Variants in MSANTD5 observed in about 807,000 individuals in gnomAD.
MSANTD5 encodes the protein Myb/SANT DNA binding domain containing 5, also known as uncharacterized protein MSANTD5.
At chr5:178,705,059 T>C in the MSANTD5 span, among the ~76,000 whole-genome samples, 1 of 151,890 alleles carries the variant, frequency 6.6e-6, no homozygotes, top group Non-Finnish European at 1.5e-5. Flanking sequence ...TTTTCTTTTT[T>C]TTTTTTTGAG....
At chr5:178,697,390 G>C (rs4990295) in intron 1 of MSANTD5, among the ~76,000 whole-genome samples, 196 bp downstream of exon 1, 38,130 of 151,596 alleles carry the variant, frequency 0.25, 5,896 homozygotes, top group African/African-American at 0.43. Flanking sequence ...GGAGGCGGAG[G>C]TTGCAGTGAG....
At chr5:178,704,643 A>C in the MSANTD5 span, among the ~76,000 whole-genome samples, 1 of 152,248 alleles carries the variant, frequency 6.6e-6, no homozygotes, top group African/African-American at 2.4e-5. Context: ...AGTTGTCAAC[A>C]GAAGAGATTT....
chr5:178,695,628 T>A (rs1765404331), intron 2 of MSANTD5, 30 bp from the exon 3 acceptor site: 1 of 152,194 alleles, frequency 6.6e-6, no homozygotes, highest in Non-Finnish European at 1.5e-5. Flanking sequence ...TGGATGTACT[T>A]GGCATAACTC....
exon 3 of MSANTD5, chr5:178,695,583 G>C (rs1205868624): frequency 6.6e-6 from 1 of 152,086 alleles, no homozygotes; most frequent in African/African-American, 2.4e-5. Flanking sequence ...GTCACTCCAA[G>C]GTTTAACTGA....
At chr5:178,704,570 T>C in the MSANTD5 span, among the ~76,000 whole-genome samples, 584 of 152,310 alleles carry the variant, frequency 3.8e-3, 8 homozygotes, top group South Asian at 0.052. Flanking sequence ...AATTACACTG[T>C]AGTAGCCCAA....
At chr5:178,693,794 G>A (rs1765381380), downstream of MSANTD5, among the ~76,000 whole-genome samples, 1 of 151,836 alleles carries the variant, frequency 6.6e-6, no homozygotes, top group Non-Finnish European at 1.5e-5. Flanking sequence ...GACACAGAGT[G>A]CTGATTGGTG....
At chr5:178,704,675 G>A in the MSANTD5 span, among the ~76,000 whole-genome samples, 308 of 152,316 alleles carry the variant, frequency 2.0e-3, 1 homozygote, top group African/African-American at 7.1e-3. Context: ...CAGAAATTGC[G>A]GATGTCTACA....
At chr5:178,706,486 C>T in the MSANTD5 span, among the ~76,000 whole-genome samples, 32 of 151,922 alleles carry the variant, frequency 2.1e-4, no homozygotes, top group African/African-American at 5.8e-4. Flanking sequence ...TGTCAGTACT[C>T]GTGTGTCCAA....
upstream of MSANTD5, among the ~76,000 whole-genome samples, chr5:178,699,737 C>A (rs1402554394): frequency 1.3e-5 from 2 of 152,180 alleles, no homozygotes; most frequent in Non-Finnish European, 2.9e-5. Flanking sequence ...AAATAAGTAC[C>A]ATTAACTGAC....
downstream of MSANTD5, among the ~76,000 whole-genome samples, chr5:178,692,204 A>AC (rs2113850203): frequency 1.5e-5 from 2 of 134,772 alleles, 1 homozygote; most frequent in Non-Finnish European, 3.4e-5. Context: ...ATATGGTGAA[A>AC]CCCTCTCTCT....
upstream of MSANTD5, among the ~76,000 whole-genome samples, chr5:178,700,502 A>G (rs59530510): frequency 2.3e-3 from 335 of 148,304 alleles, 2 homozygotes; most frequent in African/African-American, 7.8e-3. Context: ...TTTGCCATGA[A>G]CTACACTGAG....
upstream of MSANTD5, among the ~76,000 whole-genome samples, chr5:178,701,508 T>A (rs976180803): frequency 6.6e-5 from 10 of 151,398 alleles, no homozygotes; most frequent in African/African-American, 2.2e-4. Flanking sequence ...TAATTTAAAA[T>A]ATATATATTT....
At chr5:178,701,343 G>A (rs572259349), upstream of MSANTD5, among the ~76,000 whole-genome samples, 2 of 152,056 alleles carry the variant, frequency 1.3e-5, no homozygotes, top group East Asian at 1.9e-4. Context: ...GTGTTTCAGT[G>A]TAAAAAATTA....
At chr5:178,702,614 T>TC (rs78051186), upstream of MSANTD5, among the ~76,000 whole-genome samples, 33,227 of 150,624 alleles carry the variant, frequency 0.22, 4,194 homozygotes, top group South Asian at 0.36. Context: ...TTCTTTTTTT[T>TC]CAAGACAGAG....
upstream of MSANTD5, among the ~76,000 whole-genome samples, chr5:178,702,301 C>CTTTTTTTTTTTT (rs372575693): frequency 2.2e-5 from 3 of 133,368 alleles, no homozygotes; most frequent in Admixed American, 7.6e-5. Context: ...CTTTTTTTTT[C>CTTTTTTTTTTTT]TTTTTTTTTT....
chr5:178,699,922 C>G (rs1581734794), upstream of MSANTD5, among the ~76,000 whole-genome samples: 1 of 151,694 alleles, frequency 6.6e-6, no homozygotes, highest in Admixed American at 6.6e-5. Flanking sequence ...ATGCACCAAG[C>G]CTGTTTCTGT....
At chr5:178,691,831 A>G (rs532080773), downstream of MSANTD5, among the ~76,000 whole-genome samples, 18 of 136,478 alleles carry the variant, frequency 1.3e-4, 3 homozygotes, top group African/African-American at 4.7e-4. Context: ...AATGGAAGCC[A>G]TAAGTAGATA....
upstream of MSANTD5, among the ~76,000 whole-genome samples, chr5:178,698,560 G>A (rs1765444566): frequency 6.6e-6 from 1 of 152,150 alleles, no homozygotes; most frequent in Non-Finnish European, 1.5e-5. Flanking sequence ...GGGCTTTACA[G>A]TGAATGGTAC....
At chr5:178,705,576 T>C in the MSANTD5 span, among the ~76,000 whole-genome samples, 5 of 152,220 alleles carry the variant, frequency 3.3e-5, no homozygotes, top group East Asian at 3.9e-4. Flanking sequence ...CAGGGTTTGA[T>C]TGGATACCTG....
Sources: allele counts gnomAD v4.1 joint callset (sites outside exome capture counted in the v4.1 genomes callset), GRCh38; gene constraint gnomAD v4.1.1; transcripts MANE v1.5; gene names NCBI Gene and HGNC (gene_info 2026-07-23, HGNC 2026-07-21).